UBE2E2: variants seen among roughly 807,000 people sequenced by gnomAD.
UBE2E2 encodes the protein ubiquitin-conjugating enzyme E2 E2.
Under a neutral mutation model 24.7 loss-of-function variants are expected in UBE2E2, and 6 were observed. The ratio of observed to expected loss-of-function variants is 0.24; its 90% CI spans 0.13 to 0.48. The LOEUF (loss-of-function observed/expected upper bound fraction) is 0.48. Ranked by LOEUF, UBE2E2 falls within the 20% of genes least tolerant of loss-of-function variation. UBE2E2 has a pLI of 0.99. For synonymous variants in UBE2E2, 104 were observed against 83.6 expected (o/e 1.24, Z -1.33); for missense variants, 169 against 245.0 (o/e 0.69, Z 2.07).
rs544920643 is a variant in UBE2E2, at chr3:23,381,341, A to T, written c.228-118267A>T. ...TCCTGGCAACAAAGTTAGAAAAACT[A>T]TCCAAAATTCCAATAAATCTATAAT... On this transcript the variant is annotated intron_variant, in intron 3 of 5. Transcript: ENST00000396703. Among the ~76,000 whole-genome samples the T allele has an allele frequency of 7.9e-5, 12 of 152,360 alleles. No individual in the cohort carries two copies. In the East Asian group the frequency reaches 2.1e-3, roughly 27 times the overall value.
At chr3:23,462,801 A>C (rs1033676382) in intron 3 of UBE2E2, among the ~76,000 whole-genome samples, 7 of 152,248 alleles carry the variant, frequency 4.6e-5, no homozygotes. Context: ...CTTTTACGTC[A>C]GGGGGTAACT....
intron 1 of UBE2E2, among the ~76,000 whole-genome samples, chr3:23,203,694 C>T (rs555184987): frequency 2.8e-5 from 4 of 140,358 alleles, no homozygotes; most frequent in African/African-American, 1.1e-4. Context: ...TCCCATCCCC[C>T]CCTTCTGCCT....
At chr3:23,572,139 A>G (rs1696244682) in intron 5 of UBE2E2, among the ~76,000 whole-genome samples, 1 of 152,152 alleles carries the variant, frequency 6.6e-6, no homozygotes, top group Non-Finnish European at 1.5e-5. Flanking sequence ...CTAGTTTGAT[A>G]ATGTCCATTA....
chr3:23,258,707 C>T (rs1179103013), intron 3 of UBE2E2, among the ~76,000 whole-genome samples: 1 of 151,936 alleles, frequency 6.6e-6, no homozygotes, highest in Non-Finnish European at 1.5e-5. Context: ...TCCTGGCTAA[C>T]ATGGTAAAAC....
chr3:23,470,117 A>G (rs763330352), intron 3 of UBE2E2, among the ~76,000 whole-genome samples: 1 of 152,244 alleles, frequency 6.6e-6, no homozygotes, highest in Non-Finnish European at 1.5e-5. Flanking sequence ...GCAATCAGAT[A>G]TGGAGGCCGC....
At chr3:23,460,663 T>C (rs1355118851) in intron 3 of UBE2E2, among the ~76,000 whole-genome samples, 1 of 152,220 alleles carries the variant, frequency 6.6e-6, no homozygotes, top group Non-Finnish European at 1.5e-5. Flanking sequence ...GATTATTTTC[T>C]TTTGGGTTGT....
At chr3:23,222,049 A>G (rs772026501) in intron 3 of UBE2E2, among the ~76,000 whole-genome samples, 5 of 151,426 alleles carry the variant, frequency 3.3e-5, no homozygotes, top group African/African-American at 9.7e-5. Context: ...TCTACTCTCT[A>G]TTTTTGAGAT....
At chr3:23,212,992 CT>C (rs1246230807) in intron 2 of UBE2E2, among the ~76,000 whole-genome samples, 1 of 151,912 alleles carries the variant, frequency 6.6e-6, no homozygotes, top group Non-Finnish European at 1.5e-5. Flanking sequence ...TTGCATGATG[CT>C]TTTTTGAGAA....
At chr3:23,262,415 C>G (rs1379781426) in intron 3 of UBE2E2, among the ~76,000 whole-genome samples, 1 of 152,054 alleles carries the variant, frequency 6.6e-6, no homozygotes, top group African/African-American at 2.4e-5. Context: ...GTAGTTAGGA[C>G]TACAGGTGCA....
chr3:23,216,722 A>C (rs1696486213), intron 2 of UBE2E2, among the ~76,000 whole-genome samples: 2 of 152,016 alleles, frequency 1.3e-5, no homozygotes, highest in Admixed American at 6.6e-5. Context: ...TTAATTGCTC[A>C]TGTAATATTA....
intron 3 of UBE2E2, among the ~76,000 whole-genome samples, chr3:23,471,801 C>G (rs1253696037): frequency 6.6e-6 from 1 of 152,140 alleles, no homozygotes; most frequent in African/African-American, 2.4e-5. Flanking sequence ...GCAAGGACAA[C>G]AGAGTAGGCA....
intron 3 of UBE2E2, among the ~76,000 whole-genome samples, chr3:23,354,567 A>C (rs1035288966): frequency 1.3e-5 from 2 of 152,244 alleles, no homozygotes; most frequent in African/African-American, 4.8e-5. Flanking sequence ...AAGTGGGCGA[A>C]GGACATGAAC....
intron 3 of UBE2E2, among the ~76,000 whole-genome samples, chr3:23,369,411 A>T (rs921655369): frequency 3.3e-5 from 5 of 152,090 alleles, no homozygotes; most frequent in Non-Finnish European, 7.4e-5. Flanking sequence ...TGAGTTTTGG[A>T]TCTTTTGATT....
intron 3 of UBE2E2, among the ~76,000 whole-genome samples, chr3:23,256,065 T>C (rs1225925809): frequency 6.6e-6 from 1 of 152,264 alleles, no homozygotes; most frequent in Non-Finnish European, 1.5e-5. Flanking sequence ...GAGACAGCAC[T>C]GTGCTGCCTA....
At chr3:23,342,373 C>T (rs544243856) in intron 3 of UBE2E2, among the ~76,000 whole-genome samples, 2 of 152,128 alleles carry the variant, frequency 1.3e-5, no homozygotes, top group Admixed American at 1.3e-4. Flanking sequence ...TGGAGTTTCT[C>T]CATGTTGCCC....
chr3:23,451,891 G>A (rs977439843), intron 3 of UBE2E2, among the ~76,000 whole-genome samples: 2 of 152,130 alleles, frequency 1.3e-5, no homozygotes, highest in Non-Finnish European at 2.9e-5. Flanking sequence ...GATGGATGTT[G>A]TTGCTTATCT....
At chr3:23,355,469 A>G (rs1231302542) in intron 3 of UBE2E2, among the ~76,000 whole-genome samples, 1 of 152,164 alleles carries the variant, frequency 6.6e-6, no homozygotes, top group Non-Finnish European at 1.5e-5. Flanking sequence ...AGGGGTAGAA[A>G]TTTTTATGGA....
intron 3 of UBE2E2, among the ~76,000 whole-genome samples, chr3:23,361,807 T>C (rs1436209627): frequency 6.6e-6 from 1 of 151,454 alleles, no homozygotes; most frequent in East Asian, 1.9e-4. Context: ...CCCCAAAAAC[T>C]ATTCATATAA....
At chr3:23,463,409 A>C (rs1002225970) in intron 3 of UBE2E2, among the ~76,000 whole-genome samples, 1 of 152,122 alleles carries the variant, frequency 6.6e-6, no homozygotes, top group Non-Finnish European at 1.5e-5. Flanking sequence ...CTCACGTCAA[A>C]GAAAATACTG....
Sources: allele counts gnomAD v4.1 joint callset (sites outside exome capture counted in the v4.1 genomes callset), GRCh38; gene constraint gnomAD v4.1.1; transcripts MANE v1.5; gene names NCBI Gene and HGNC (gene_info 2026-07-23, HGNC 2026-07-21).